Variants in NLRC4 observed in about 807,000 individuals in gnomAD.
The protein encoded by NLRC4 is NLR family CARD domain-containing protein 4.
A neutral mutation model predicts 79.9 loss-of-function variants in NLRC4; 63 were observed. The ratio of observed to expected loss-of-function variants is 0.79; its 90% CI spans 0.64 to 0.97. The LOEUF (loss-of-function observed/expected upper bound fraction) is 0.97, where lower values mean the gene tolerates loss of function less well. Ranked by LOEUF, NLRC4 falls within the 50% of genes least tolerant of loss-of-function variation. NLRC4 has a pLI of 0.00. For missense variants in NLRC4, 1,074 were observed against 1,215.2 expected, an observed-to-expected ratio of 0.88 and a Z score of 1.73; for synonymous variants, 461 against 456.5, an observed-to-expected ratio of 1.01 and a Z score of -0.12.
At position 32,251,393 on chromosome 2, in the gene NLRC4, G is replaced by T; in HGVS notation, c.471C>A (p.Leu157=). 2 of 1,614,022 alleles carry T rather than the reference G, an allele frequency of 1.2e-6. No homozygotes were observed. The highest frequency in any genetic ancestry group is 1.7e-6 in the Non-Finnish European group (2 of 1,179,904). Residue 157 remains leucine, a synonymous_variant, in exon 4 of 9, where the codon CTC becomes CTA. Transcript: ENST00000402280. ...HRVEQLTLNG[L]LQALQSPCII... ...TGCAGGGGCTCTGAAGAGCCTGCAG[G>T]AGGCCATTCAGGGTCAGCTGCTCCA...
chr2:32,264,157 C>T (rs1434171173), intron 1 of NLRC4, among the ~76,000 whole-genome samples: 5 of 151,822 alleles, frequency 3.3e-5, no homozygotes, highest in East Asian at 1.9e-4. Context: ...GTTTCCTGGC[C>T]GGGCACGTTG....
intron 4 of NLRC4, among the ~76,000 whole-genome samples, chr2:32,241,913 A>G (rs562381109): frequency 3.3e-5 from 5 of 152,332 alleles, no homozygotes; most frequent in African/African-American, 1.2e-4. Flanking sequence ...ATTAGAAATG[A>G]GGAAAGGCCT....
chr2:32,233,838 G>A (rs1686610668), intron 8 of NLRC4, among the ~76,000 whole-genome samples: 1 of 152,128 alleles, frequency 6.6e-6, no homozygotes, highest in South Asian at 2.1e-4. Flanking sequence ...TTTCTTTGTT[G>A]ATTCTCTGTC....
At chr2:32,226,205 A>T (rs937002115) in intron 8 of NLRC4, among the ~76,000 whole-genome samples, 1 of 152,218 alleles carries the variant, frequency 6.6e-6, no homozygotes. Context: ...CACTGAAACT[A>T]TACCCTTACC....
intron 4 of NLRC4, among the ~76,000 whole-genome samples, chr2:32,242,021 A>G (rs1197477307): frequency 2.0e-5 from 3 of 152,170 alleles, no homozygotes; most frequent in African/African-American, 4.8e-5. Context: ...GGTGCAAATC[A>G]AAGTTATTAT....
At chr2:32,262,763 G>C (rs1375755443) in intron 1 of NLRC4, among the ~76,000 whole-genome samples, 1 of 151,232 alleles carries the variant, frequency 6.6e-6, no homozygotes, top group Non-Finnish European at 1.5e-5. Context: ...GTGACAGAGA[G>C]AGACTCTGTC....
chr2:32,259,300 G>GTTT (rs1687284645), intron 1 of NLRC4, among the ~76,000 whole-genome samples: 1 of 58,292 alleles, frequency 1.7e-5, no homozygotes, highest in African/African-American at 7.3e-5. Context: ...TAGAGACAGA[G>GTTT]TTTTGCCGTG....
intron 2 of NLRC4, among the ~76,000 whole-genome samples, chr2:32,255,300 T>C (rs1414680525): frequency 6.6e-6 from 1 of 151,246 alleles, no homozygotes; most frequent in Non-Finnish European, 1.5e-5. Flanking sequence ...GTGGGCGGAT[T>C]ATCTGAGGTC....
In NLRC4 at chr2:32,252,426, A is replaced by G; in HGVS notation, c.255T>C (p.Asn85=). ...AAACTAACTGATACTTACTTTGTCC[A>G]TTCAAGTCCTGAAATAGAGGATAGT... The part of the protein sequence containing the change: ...EWNYPLFQDL[N]GQSLFHQTSE... The change falls in exon 3 of 9, where the codon AAT becomes AAC. Residue 85 remains asparagine, a synonymous_variant. Transcript: ENST00000402280. 6.2e-7 allele frequency: 1 copy of G among 1,607,956 alleles called. No homozygotes were observed. Among genetic ancestry groups the G allele is most frequent in the East Asian group, 2.2e-5 (1 of 44,862 alleles).
intron 8 of NLRC4, among the ~76,000 whole-genome samples, chr2:32,224,982 A>C (rs545322504): frequency 6.6e-6 from 1 of 152,190 alleles, no homozygotes; most frequent in Non-Finnish European, 1.5e-5. Context: ...GTATAAGGGA[A>C]TCTGATAAAT....
At chr2:32,231,579 G>C (rs1452242810) in intron 8 of NLRC4, among the ~76,000 whole-genome samples, 1 of 113,000 alleles carries the variant, frequency 8.8e-6, no homozygotes, top group Non-Finnish European at 1.9e-5. Flanking sequence ...TTTTGTGGGG[G>C]GGGGGTGGGG....
At chr2:32,231,753 T>A (rs1260588146) in intron 8 of NLRC4, among the ~76,000 whole-genome samples, 1 of 151,514 alleles carries the variant, frequency 6.6e-6, no homozygotes, top group East Asian at 1.9e-4. Flanking sequence ...GGAGATTGAG[T>A]TTTGCCATGT....
intron 2 of NLRC4, among the ~76,000 whole-genome samples, 191 bp downstream of exon 2, chr2:32,256,584 T>TATC (rs1245689416): frequency 6.6e-6 from 1 of 152,218 alleles, no homozygotes; most frequent in Non-Finnish European, 1.5e-5. Flanking sequence ...AGTCCTATCC[T>TATC]ATCTGTGGTT....
chr2:32,244,814 C>CA (rs915632304), intron 4 of NLRC4, among the ~76,000 whole-genome samples: 2 of 126,544 alleles, frequency 1.6e-5, no homozygotes, highest in East Asian at 2.4e-4. Context: ...CTCCTCTCTA[C>CA]AAAAAAGAAG....
rs757448591 is a variant in NLRC4 at position 32,231,572 on chromosome 2, T to TG, written c.2782+3828dup. On this transcript the variant is annotated intron_variant, in intron 8 of 8. Transcript: ENST00000402280. ...CTTTCTTTCTTTTTCTATTTTTTTT[T>TG]GTGGGGGGGGGGTGGGGGACTGGGT... Among the ~76,000 whole-genome samples, 8 of 59,490 alleles carry TG rather than the reference T, an allele frequency of 1.3e-4. 1 individual carries two copies. In the Admixed American group the frequency reaches 1.4e-3, roughly 10 times the overall value. 39.0% of individuals were successfully genotyped at this position (59,490 alleles called of 152,430 possible).
In NLRC4 at chr2:32,224,734, G is replaced by A. The variant is rs776995500; in HGVS notation, c.2814C>T (p.Asn938=). ...GAFFGKNPLK[N]FQQLNLAGNR... ...TTCCCGCCAAATTCAACTGCTGGAA[G>A]TTTTTCAGAGGGTTCTTTCCAAAAA... Residue 938 remains asparagine (N), a synonymous_variant, in exon 9 of 9, where the codon AAC becomes AAT. Coordinates refer to ENST00000402280, the MANE Select transcript of NLRC4 (RefSeq NM_001199138.2). 9 of 1,592,338 alleles carry A rather than the reference G, an allele frequency of 5.7e-6. No homozygotes were observed. The South Asian group carries it at 1.0e-4, about 18-fold the overall frequency.
Position 32,251,492 on chromosome 2 carries a change from A to G in NLRC4, c.372T>C (p.Ile124=). 6.2e-7 allele frequency: 1 copy of G among 1,614,096 alleles called. No homozygotes were observed. The highest frequency in any genetic ancestry group is 8.5e-7 in the Non-Finnish European group (1 of 1,179,966). ...FLNFYPLGED[I]DIIFNLKSTF... is the part of the protein sequence containing the mutation. ...TGCTTTTCAAGTTAAAAATAATGTC[A>G]ATATCTTCACCAAGGGGATAAAAGT... Residue 124 remains isoleucine, a synonymous_variant, in exon 4 of 9, where the codon ATT becomes ATC. Coordinates refer to ENST00000402280, the MANE Select transcript of NLRC4 (RefSeq NM_001199138.2).
intron 1 of NLRC4, 147 bp from the exon 2 acceptor site, chr2:32,257,040 G>A (rs1326420088): frequency 1.6e-5 from 7 of 446,870 alleles, no homozygotes; most frequent in South Asian, 4.1e-5. Context: ...TTCATGGCCA[G>A]GCCCTAAAGA....
chr2:32,241,702 T>G (rs1051343116), intron 4 of NLRC4, among the ~76,000 whole-genome samples: 1 of 151,782 alleles, frequency 6.6e-6, no homozygotes, highest in Non-Finnish European at 1.5e-5. Flanking sequence ...TTCTAAACAC[T>G]TGGAAATTAA....
Sources: allele counts gnomAD v4.1 joint callset (sites outside exome capture counted in the v4.1 genomes callset), GRCh38; gene constraint gnomAD v4.1.1; transcripts MANE v1.5; gene names NCBI Gene and HGNC (gene_info 2026-07-23, HGNC 2026-07-21).